Variants in MYL3 observed in about 807,000 individuals in gnomAD.
MYL3 encodes myosin light chain 3, also known as CMLC1.
MYL3 carries 11 observed loss-of-function variants against 21.3 expected under a neutral mutation model. The ratio of observed to expected loss-of-function variants is 0.52; its 90% confidence interval spans 0.32 to 0.85. MYL3 has a LOEUF of 0.85. Ranked by LOEUF, MYL3 falls within the 40% of genes least tolerant of loss-of-function variation. The probability of loss-of-function intolerance (pLI) is 0.03; values close to 1 mark genes in which losing one functional copy is unlikely to be tolerated. For synonymous variants in MYL3, 88 were observed against 91.6 expected (o/e 0.96, Z 0.22); for missense variants, 206 against 253.3 (o/e 0.81, Z 1.27).
intron 1 of MYL3, among the ~76,000 whole-genome samples, chr3:46,872,799 G>A (rs959332225): frequency 2.0e-5 from 3 of 152,256 alleles, no homozygotes; most frequent in East Asian, 1.9e-4. Flanking sequence ...AGAAGATGCC[G>A]TCAGGCAGAT....
rs967106687 is a variant in MYL3 at position 46,857,952 on chromosome 3, G to C, written c.*163C>G. On this transcript the variant is annotated 3_prime_UTR_variant, in exon 7 of 7. Transcript: ENST00000292327. This position sits in a 1 kb window ranked among gnomAD's most constrained non-coding sequence, Gnocchi z 5.0. ...GCTGTCACAGGTAAGCACAGCCTGA[G>C]AGGGGCCAGAGACGGCAACCACGTG... 1.9e-6 allele frequency: 1 copy of C among 530,326 alleles called. No individual in the cohort carries two copies. Among genetic ancestry groups the C allele is most frequent in the African/African-American group, 1.9e-5 (1 of 52,334 alleles). 32.9% of individuals were successfully genotyped at this position (530,326 alleles called of 1,614,324 possible).
rs1701966221 is a variant in MYL3, at chr3:46,859,457, G to A, written c.481+18C>T. 6.2e-7 allele frequency: 1 copy of A among 1,613,930 alleles called. No homozygotes were observed. The highest frequency in any genetic ancestry group is 1.3e-5 in the African/African-American group (1 of 75,044). On this transcript the variant is annotated intron_variant, in intron 4 of 6. Transcript: ENST00000292327. This position sits in a 1 kb window ranked among gnomAD's most constrained non-coding sequence, Gnocchi z 4.1. ...TGTCCCTGGAAGGAGTTGGGGTAGGGGAGGAGGCTGCCCTCACCCAGCGTG... is the reference window on the plus strand; with the variant it reads ...TGTCCCTGGAAGGAGTTGGGGTAGGAGAGGAGGCTGCCCTCACCCAGCGTG...
rs576003814 is a variant in MYL3, at chr3:46,877,592, G to A, written c.-218+4482C>T. 1.8e-4 allele frequency among the ~76,000 whole-genome samples: 27 copies of A among 152,342 alleles called. 1 individual carries two copies. Among genetic ancestry groups the A allele is most frequent in the South Asian group, 6.2e-4 (3 of 4,828 alleles). On this transcript the variant is annotated intron_variant, in intron 1 of 3. Transcript: ENST00000431168. Reference sequence around the variant, plus strand: ...TCTGAACACCGGCACACTTGGATCTGCCTCTGTTGCCTCCTACTCCTGACT... The same window carrying A: ...TCTGAACACCGGCACACTTGGATCTACCTCTGTTGCCTCCTACTCCTGACT...
chr3:46,869,677 C>T (rs1161585826), intron 1 of MYL3, among the ~76,000 whole-genome samples: 7 of 152,160 alleles, frequency 4.6e-5, no homozygotes, highest in African/African-American at 1.2e-4. Flanking sequence ...TGTGACTCTG[C>T]GTGGGCGTGA....
intron 1 of MYL3, among the ~76,000 whole-genome samples, chr3:46,872,693 G>T (rs1285706965): frequency 6.6e-6 from 1 of 152,246 alleles, no homozygotes; most frequent in Non-Finnish European, 1.5e-5. Flanking sequence ...TCTGGGATGG[G>T]GGTCGAGGGT....
At chr3:46,873,006 G>A (rs534245822) in intron 1 of MYL3, among the ~76,000 whole-genome samples, 2 of 152,328 alleles carry the variant, frequency 1.3e-5, no homozygotes, top group Admixed American at 6.5e-5. Flanking sequence ...CCCAAGAGAT[G>A]GAGGCTTCTC....
chr3:46,880,336 C>T (rs191454516), intron 1 of MYL3: 2 of 152,296 alleles, frequency 1.3e-5, no homozygotes, highest in East Asian at 3.9e-4. Flanking sequence ...GCAGACAGTT[C>T]CTGTTAGGGA....
chr3:46,868,477 G>C (rs1702070896), intron 1 of MYL3, among the ~76,000 whole-genome samples: 1 of 152,232 alleles, frequency 6.6e-6, no homozygotes, highest in African/African-American at 2.4e-5. Context: ...CTAGGGGTGG[G>C]GGTGGCAGGG....
chr3:46,876,210 G>A (rs1400208826), intron 1 of MYL3, among the ~76,000 whole-genome samples: 1 of 152,240 alleles, frequency 6.6e-6, no homozygotes. Context: ...GGGATCCACA[G>A]GTCAAAGCAG....
chr3:46,872,557 G>A (rs912599909), intron 1 of MYL3, among the ~76,000 whole-genome samples: 1 of 151,942 alleles, frequency 6.6e-6, no homozygotes. Context: ...CATTGATTGC[G>A]GCTGCCAGAA....
In MYL3 at chr3:46,860,309, G is replaced by T. The variant is rs1002071143; in HGVS notation, c.307+367C>A. On this transcript the variant is annotated intron_variant, in intron 3 of 6. Transcript: ENST00000292327. This position sits in a 1 kb window ranked among gnomAD's most constrained non-coding sequence, Gnocchi z 4.6. ...ATGCCAAGCTAAATTTTTAATTTTT[G>T]TAGAGATAGAATCTCACTATGTTAC... 6.6e-6 allele frequency among the ~76,000 whole-genome samples: 1 copy of T among 151,968 alleles called. No individual in the cohort carries two copies. Among genetic ancestry groups the T allele is most frequent in the African/African-American group, 2.4e-5 (1 of 41,338 alleles).
chr3:46,871,362 G>C (rs769076820), intron 1 of MYL3, among the ~76,000 whole-genome samples: 3 of 152,138 alleles, frequency 2.0e-5, no homozygotes, highest in Non-Finnish European at 4.4e-5. Context: ...GGCCCAAGCA[G>C]AGTAGCTGAG....
chr3:46,880,101 G>A (rs932788160), intron 1 of MYL3: 1 of 152,232 alleles, frequency 6.6e-6, no homozygotes, highest in Non-Finnish European at 1.5e-5. Flanking sequence ...AACCACAAGT[G>A]TTCTTTAGGT....
At position 46,861,239 on chromosome 3, in the gene MYL3, G is replaced by A. The variant is rs1397719759; in HGVS notation, c.130-252C>T. ...CCCTGATGCTCGGTGGACCCTGGCA[G>A]GGGTAGCAGTGAGGAGGGAGGCCAC... On this transcript the variant is annotated intron_variant, in intron 1 of 6. Transcript: ENST00000292327. The surrounding 1 kb of genome is among the most constrained non-coding windows in gnomAD (Gnocchi z 4.2). 6.6e-6 allele frequency among the ~76,000 whole-genome samples: 1 copy of A among 152,204 alleles called. No homozygotes were observed. Among genetic ancestry groups the A allele is most frequent in the African/African-American group, 2.4e-5 (1 of 41,462 alleles).
chr3:46,868,072 T>TG (rs1702065467), upstream of MYL3, among the ~76,000 whole-genome samples: 1 of 152,176 alleles, frequency 6.6e-6, no homozygotes, highest in Admixed American at 6.5e-5. Flanking sequence ...CCCATGGCCC[T>TG]GGAGCCTCAG....
chr3:46,858,952 C>T (rs112600192), intron 4 of MYL3, among the ~76,000 whole-genome samples: 1 of 151,954 alleles, frequency 6.6e-6, no homozygotes, highest in Admixed American at 6.6e-5. Flanking sequence ...CATGCACACA[C>T]AGAGAGAGAG....
At chr3:46,870,265 A>ATG (rs1702096417) in intron 1 of MYL3, among the ~76,000 whole-genome samples, 1 of 151,982 alleles carries the variant, frequency 6.6e-6, no homozygotes, top group Non-Finnish European at 1.5e-5. Context: ...AGAAGTGGGC[A>ATG]CCAGACCAGG....
At chr3:46,875,651 A>G (rs1466039566) in intron 1 of MYL3, among the ~76,000 whole-genome samples, 1 of 152,198 alleles carries the variant, frequency 6.6e-6, no homozygotes, top group Non-Finnish European at 1.5e-5. Flanking sequence ...TGGGGCAAGA[A>G]CTGTTACGAC....
intron 1 of MYL3, among the ~76,000 whole-genome samples, chr3:46,869,111 G>A (rs1170439380): frequency 6.6e-6 from 1 of 152,068 alleles, no homozygotes; most frequent in African/African-American, 2.4e-5. Context: ...CCGGACAGGG[G>A]CCCGGCCCCT....
Sources: gnomAD v4.1 joint callset for allele counts (sites outside exome capture counted in the v4.1 genomes callset) on GRCh38, gnomAD v4.1.1 for gene constraint, Gnocchi (gnomAD v3.1) non-coding constraint, MANE v1.5 for transcripts, NCBI Gene and HGNC (gene_info 2026-07-23, HGNC 2026-07-21) for gene names.